The following ZNF208 variants were observed in gnomAD, a reference collection of about 807,000 sequenced individuals.
ZNF208 encodes the protein zinc finger protein 95.
In ZNF208, 10 loss-of-function variants were observed where a neutral mutation model predicts 12.1. The observed-to-expected ratio is 0.83, with a 90% CI of 0.51 to 1.40. The LOEUF (loss-of-function observed/expected upper bound fraction) is 1.40. Ranked by LOEUF, ZNF208 falls within the 40% of genes most tolerant of loss-of-function variation. The pLI is 0.00. For missense variants in ZNF208, 1,652 were observed against 1,485.0 expected, an observed-to-expected ratio of 1.11 and a Z score of -1.85; for synonymous variants, 497 against 488.4, an observed-to-expected ratio of 1.02 and a Z score of -0.23.
At chr19:21,964,203 T>C (rs964115273), downstream of ZNF208, among the ~76,000 whole-genome samples, 4 of 151,856 alleles carry the variant, frequency 2.6e-5, no homozygotes, top group Non-Finnish European at 5.9e-5. Context: ...AAAAATGTGG[T>C]TGTTCATCTT....
chr19:22,009,441 A>G (rs896031279), intron 1 of ZNF208: 1 of 152,156 alleles, frequency 6.6e-6, no homozygotes, highest in Non-Finnish European at 1.5e-5. Context: ...TCTAGTTTCT[A>G]ATTTCTACTT....
rs746919831 is a variant in ZNF208, at chr19:21,973,796, G to T, written c.1238C>A (p.Thr413Asn). 2 of 1,605,270 alleles carry T rather than the reference G, an allele frequency of 1.2e-6. No individual in the cohort carries two copies. Among genetic ancestry groups the T allele is most frequent in the South Asian group, 2.2e-5 (2 of 90,688 alleles). ...TCCAGTATGAATGACCTCATGTTTA[G>T]TAAGGATTGAGAACATACTAAAACC... Reference protein sequence around the residue: ...GKGFSMFSILTKHEVIHTGEK... With the variant: ...GKGFSMFSILNKHEVIHTGEK... Residue 413 changes from threonine to asparagine, a missense_variant, in exon 4 of 4, where the codon ACT (threonine) becomes AAT (asparagine). Coordinates refer to ENST00000397126, the MANE Select transcript of ZNF208 (RefSeq NM_007153.3).
At chr19:21,948,036 G>T (rs545735062) in intron 4 of ZNF208, among the ~76,000 whole-genome samples, 14 of 152,194 alleles carry the variant, frequency 9.2e-5, no homozygotes, top group African/African-American at 3.4e-4. Context: ...CTGGGAACCA[G>T]AGGGAAAAAA....
rs1287161433 is a variant in ZNF208 at position 21,973,832 on chromosome 19, T to G, written c.1202A>C (p.Glu401Ala). 1 of 1,613,604 alleles carries G rather than the reference T, an allele frequency of 6.2e-7. No homozygotes were observed. Among genetic ancestry groups the G allele is most frequent in the Non-Finnish European group, 8.5e-7 (1 of 1,179,894 alleles). ...GAACATACTAAAACCTTTGCCACATTCTTCACATTTGTAGGGTTTCTCTCC... is the reference window on the plus strand; with the variant it reads ...GAACATACTAAAACCTTTGCCACATGCTTCACATTTGTAGGGTTTCTCTCC... The part of the protein sequence containing the change: ...HTGEKPYKCE[E>A]CGKGFSMFSI... Residue 401 changes from glutamate (E) to alanine (A), a missense_variant, in exon 4 of 4, where the codon GAA becomes GCA. Glu to Ala is a moderately radical substitution (Grantham distance 107). This residue lies in a region of ZNF208 where 1,239 missense variants were observed against 1,086.2 expected (regional missense o/e 1.14). Coordinates refer to ENST00000397126, the MANE Select transcript of ZNF208 (RefSeq NM_007153.3).
At chr19:22,005,428 A>T (rs1971027808) in intron 1 of ZNF208, among the ~76,000 whole-genome samples, 1 of 152,174 alleles carries the variant, frequency 6.6e-6, no homozygotes, top group African/African-American at 2.4e-5. Context: ...AGACACCCAG[A>T]GTTTCATTCC....
chr19:21,974,670 C>G lies in ZNF208; in HGVS notation c.364G>C (p.Glu122Gln), dbSNP rs1970393459. ...TAACCTTCTTTGTGCACCTTACACT[C>G]ATCCACATTGGTATAACCAATTTTT... ...HLKIGYTNVDECKVHKEGYNK... is the reference protein window; with the variant it reads ...HLKIGYTNVDQCKVHKEGYNK... Residue 122 changes from glutamate to glutamine, a missense_variant, in exon 4 of 4, where the codon GAG becomes CAG. Glu to Gln is a conservative substitution (Grantham distance 29). Coordinates refer to ENST00000397126, the MANE Select transcript of ZNF208 (RefSeq NM_007153.3). 6.2e-7 allele frequency: 1 copy of G among 1,613,724 alleles called. No homozygotes were observed. The highest frequency in any genetic ancestry group is 8.5e-7 in the Non-Finnish European group (1 of 1,179,790).
At chr19:21,957,639 T>C (rs1294227226) in intron 4 of ZNF208, among the ~76,000 whole-genome samples, 1 of 152,146 alleles carries the variant, frequency 6.6e-6, no homozygotes, top group Admixed American at 6.6e-5. Flanking sequence ...ATCCATGGCT[T>C]GGCCCAACTT....
Position 21,969,795 on chromosome 19 carries a change from C to G in ZNF208, c.*1396G>C, listed in dbSNP as rs1970245938. Among the ~76,000 whole-genome samples, 1 of 152,090 alleles carries G rather than the reference C, an allele frequency of 6.6e-6. No individual in the cohort carries two copies. Among genetic ancestry groups the G allele is most frequent in the Non-Finnish European group, 1.5e-5 (1 of 68,006 alleles). ...AAATAAATATTCTTCTGTACTTTAA[C>G]AGCTTTTATTTTCTGAAAGATCTAG... On this transcript the variant is annotated 3_prime_UTR_variant, in exon 4 of 4. Transcript: ENST00000397126.
chr19:21,946,084 T>G (rs2145511786), intron 4 of ZNF208, among the ~76,000 whole-genome samples: 1 of 152,354 alleles, frequency 6.6e-6, no homozygotes, highest in South Asian at 2.1e-4. Flanking sequence ...GCTCTTTGCA[T>G]AGTCAGTGGG....
intron 4 of ZNF208, among the ~76,000 whole-genome samples, chr19:21,957,044 A>G (rs1331884614): frequency 6.6e-6 from 1 of 151,572 alleles, no homozygotes; most frequent in African/African-American, 2.4e-5. Flanking sequence ...TCCATTTTCT[A>G]TTTTTGTTTT....
intron 3 of ZNF208, among the ~76,000 whole-genome samples, chr19:21,985,421 G>T (rs975277570): frequency 2.6e-5 from 4 of 152,166 alleles, no homozygotes; most frequent in African/African-American, 9.7e-5. Flanking sequence ...AAAAATAAGT[G>T]CCTTTAAGAG....
At chr19:21,964,035 TTAC>T (rs1216214880), downstream of ZNF208, among the ~76,000 whole-genome samples, 1 of 151,940 alleles carries the variant, frequency 6.6e-6, no homozygotes, top group Non-Finnish European at 1.5e-5. Context: ...CATAGATATG[TTAC>T]TAAACAAAAC....
At chr19:21,978,951 A>G (rs1970484643) in intron 3 of ZNF208, among the ~76,000 whole-genome samples, 4 of 152,340 alleles carry the variant, frequency 2.6e-5, no homozygotes, top group Middle Eastern at 3.4e-3. Flanking sequence ...CAACAGCTGA[A>G]TCGATAAAGC....
Position 21,973,985 on chromosome 19 carries a change from A to G in ZNF208, c.1049T>C (p.Phe350Ser), listed in dbSNP as rs772386127. ...TTTAGTAAGGATTGAGAACTTACTA[A>G]AGGCTTTGCCACATTCTTTACATTT... ...PYKCKECGKA[F>S]SKFSILTKHK... Residue 350 changes from phenylalanine (F) to serine (S), a missense_variant, in exon 4 of 4, where the codon TTT (phenylalanine) becomes TCT (serine). Coordinates refer to ENST00000397126, the MANE Select transcript of ZNF208 (RefSeq NM_007153.3). The G allele has an allele frequency of 1.1e-5, 17 of 1,601,742 alleles. No individual in the cohort carries two copies. The highest frequency in any genetic ancestry group is 1.4e-5 in the Non-Finnish European group (16 of 1,171,448).
At chr19:21,984,287 G>T (rs1397987204) in intron 3 of ZNF208, among the ~76,000 whole-genome samples, 1 of 152,156 alleles carries the variant, frequency 6.6e-6, no homozygotes, top group East Asian at 1.9e-4. Flanking sequence ...AGGTGCGGTG[G>T]CTCATGCCTG....
chr19:21,981,846 G>A (rs1970544529), intron 3 of ZNF208, among the ~76,000 whole-genome samples: 1 of 152,154 alleles, frequency 6.6e-6, no homozygotes, highest in African/African-American at 2.4e-5. Flanking sequence ...AAATGGATAA[G>A]CAACTTCAGC....
intron 1 of ZNF208, among the ~76,000 whole-genome samples, chr19:21,993,903 C>T (rs1405596565): frequency 6.6e-6 from 1 of 152,118 alleles, no homozygotes; most frequent in Non-Finnish European, 1.5e-5. Context: ...TGTACTACTA[C>T]AATGTTTATT....
In ZNF208 at chr19:21,969,091, G is replaced by C. The variant is rs1381000602; in HGVS notation, c.*2100C>G. On this transcript the variant is annotated 3_prime_UTR_variant, in exon 4 of 4. Transcript: ENST00000397126. ...CCCAGCTAATTGGGAGGCTGAGGTG[G>C]GAGAATGGCATGAACCTGGAAGCTA... 1.3e-5 allele frequency among the ~76,000 whole-genome samples: 2 copies of C among 152,078 alleles called. No individual in the cohort carries two copies. Among genetic ancestry groups the C allele is most frequent in the Non-Finnish European group, 2.9e-5 (2 of 67,996 alleles).
intron 4 of ZNF208, among the ~76,000 whole-genome samples, chr19:21,950,660 A>AT (rs1040403961): frequency 1.2e-4 from 18 of 151,494 alleles, no homozygotes; most frequent in African/African-American, 3.2e-4. Context: ...CACCCAGCTA[A>AT]TTTTTTTTAT....
Sources: allele counts gnomAD v4.1 joint callset (sites outside exome capture counted in the v4.1 genomes callset), GRCh38; gene constraint gnomAD v4.1.1; regional missense constraint gnomAD v4.1.1; transcripts MANE v1.5; gene names NCBI Gene and HGNC (gene_info 2026-07-23, HGNC 2026-07-21).